Variants in LATS2 observed in about 807,000 individuals in gnomAD.
LATS2 encodes serine/threonine-protein kinase LATS2.
LATS2 carries 24 observed loss-of-function variants against 76.0 expected under a neutral mutation model. The observed-to-expected ratio is 0.32, with a 90% CI of 0.23 to 0.44. The LOEUF is 0.44. Among genes scored for constraint, LATS2 ranks in the 20% least tolerant of loss-of-function variants. LATS2 has a pLI of 1.00. For synonymous variants in LATS2, 692 were observed against 635.4 expected, an observed-to-expected ratio of 1.09 and a Z score of -1.34; for missense variants, 1,286 against 1,481.2, an observed-to-expected ratio of 0.87 and a Z score of 2.16.
chr13:20,982,820 C>T (rs1463614528), intron 5 of LATS2, among the ~76,000 whole-genome samples: 3 of 150,856 alleles, frequency 2.0e-5, no homozygotes, highest in Non-Finnish European at 4.4e-5. Context: ...GGAGAAACCC[C>T]GTCTCTACTA....
chr13:21,055,425 T>C (rs1873419578), intron 1 of LATS2, among the ~76,000 whole-genome samples: 1 of 152,172 alleles, frequency 6.6e-6, no homozygotes, highest in South Asian at 2.1e-4. Context: ...TTTAAAACCA[T>C]AACAACTCAC....
rs776467267 is a variant in LATS2 at position 20,983,489 on chromosome 13, G to A, written c.2217C>T (p.Asp739=). The A allele has an allele frequency of 1.2e-6, 2 of 1,614,136 alleles. No homozygotes were observed. The highest frequency in any genetic ancestry group is 1.1e-5 in the South Asian group (1 of 91,076). ...VKLYYSFQDK[D]SLYFVMDYIP... ...TGTAGTCCATCACAAAGTACAGGCT[G>A]TCTTTGTCTTGGAAGGAGTAGTAGA... is the stretch of plus-strand genomic sequence containing the variant. The change falls in exon 5 of 8, where the codon GAC becomes GAT. Residue 739 remains aspartate (D), a synonymous_variant. Transcript: ENST00000382592.
chr13:21,016,805 TCTCA>T (rs552839901), intron 2 of LATS2, among the ~76,000 whole-genome samples: 173 of 152,184 alleles, frequency 1.1e-3, no homozygotes, highest in African/African-American at 4.0e-3. Context: ...TCAGAAAACC[TCTCA>T]CTAATAAAAC....
chr13:21,028,370 A>C (rs1457598445), intron 2 of LATS2, among the ~76,000 whole-genome samples: 1 of 152,156 alleles, frequency 6.6e-6, no homozygotes, highest in Non-Finnish European at 1.5e-5. Flanking sequence ...TGCTATTGTG[A>C]ATAGTGCCGC....
At chr13:21,039,538 C>T (rs1431654640) in intron 2 of LATS2, among the ~76,000 whole-genome samples, 1 of 152,140 alleles carries the variant, frequency 6.6e-6, no homozygotes, top group Non-Finnish European at 1.5e-5. Flanking sequence ...TGGTTAGCAT[C>T]TTTTCCAGTG....
intron 2 of LATS2, among the ~76,000 whole-genome samples, chr13:21,042,700 T>C (rs2138399507): frequency 6.6e-6 from 1 of 151,830 alleles, no homozygotes; most frequent in South Asian, 2.1e-4. Context: ...GACAAAACAG[T>C]AGGAGTGGCT....
chr13:20,975,142 T>C lies in LATS2; in HGVS notation c.2995A>G (p.Thr999Ala). 6.2e-7 allele frequency: 1 copy of C among 1,614,114 alleles called. No individual in the cohort carries two copies. The highest frequency in any genetic ancestry group is 2.2e-5 in the East Asian group (1 of 44,880). The change falls in exon 8 of 8, where the codon ACC becomes GCC. Residue 999 changes from threonine to alanine, a missense_variant. This residue lies in a region of LATS2 where 210 missense variants were observed against 234.9 expected (regional missense o/e 0.89). Coordinates refer to ENST00000382592, the MANE Select transcript of LATS2 (RefSeq NM_014572.3). Reference protein sequence around the residue: ...YVPTISHPMDTSNFDPVDEES... With the variant: ...YVPTISHPMDASNFDPVDEES... ...TCATCTACGGGGTCGAAATTCGAGGTGTCCATGGGGTGGCTGATGGTGGGA... is the reference window on the plus strand; with the variant it reads ...TCATCTACGGGGTCGAAATTCGAGGCGTCCATGGGGTGGCTGATGGTGGGA...
chr13:21,046,094 A>C lies in LATS2; in HGVS notation c.-68T>G, dbSNP rs1873067335. 1.9e-6 allele frequency: 2 copies of C among 1,047,564 alleles called. No homozygotes were observed. Among genetic ancestry groups the C allele is most frequent in the South Asian group, 1.7e-5 (1 of 60,560 alleles). 64.9% of individuals were successfully genotyped at this position (1,047,564 alleles called of 1,614,324 possible). On this transcript the variant is annotated 5_prime_UTR_variant, in exon 2 of 8. Coordinates refer to ENST00000382592, the MANE Select transcript of LATS2 (RefSeq NM_014572.3). ...AGTGTTTTATTATTTAAAAAAAAAAACTGTCAATAGTATCAGTTTGTTGTA... is the reference window on the plus strand; with the variant it reads ...AGTGTTTTATTATTTAAAAAAAAAACCTGTCAATAGTATCAGTTTGTTGTA...
At chr13:21,041,194 G>A (rs888132883) in intron 2 of LATS2, among the ~76,000 whole-genome samples, 1 of 152,010 alleles carries the variant, frequency 6.6e-6, no homozygotes, top group African/African-American at 2.4e-5. Context: ...GGATGGTCTC[G>A]ACCTCCTGAC....
At chr13:21,038,159 G>A (rs952808183) in intron 2 of LATS2, among the ~76,000 whole-genome samples, 5 of 152,008 alleles carry the variant, frequency 3.3e-5, no homozygotes, top group Admixed American at 2.0e-4. Context: ...AGGGAAGGCC[G>A]GAGAAAGACG....
rs507186 is a variant in LATS2 at position 20,973,887 on chromosome 13, A to G, written c.*983T>C. On this transcript the variant is annotated 3_prime_UTR_variant, in exon 8 of 8. Coordinates refer to ENST00000382592, the MANE Select transcript of LATS2 (RefSeq NM_014572.3). ...GAGCATACGGACTACAGAAACGGAC[A>G]TGTGTCCGTGATTAAACTTTTTGGC... The G allele has an allele frequency of 0.95, 213,191 of 224,188 alleles. 101,443 individuals are homozygous for G. Among genetic ancestry groups the G allele is most frequent in the South Asian group, 0.99 (5,335 of 5,408 alleles). 13.9% of individuals were successfully genotyped at this position (224,188 alleles called of 1,614,324 possible).
chr13:21,009,433 A>G (rs11841745), intron 2 of LATS2, among the ~76,000 whole-genome samples: 24,127 of 152,126 alleles, frequency 0.16, 3,061 homozygotes, highest in East Asian at 0.51. Flanking sequence ...GGTCCCAAAC[A>G]ATTCCCATAC....
intron 1 of LATS2, among the ~76,000 whole-genome samples, chr13:21,053,477 T>C (rs1264533835): frequency 1.3e-5 from 2 of 151,892 alleles, no homozygotes; most frequent in African/African-American, 4.8e-5. Flanking sequence ...CCCCATCTAC[T>C]CCCAGGCATG....
intron 1 of LATS2, among the ~76,000 whole-genome samples, chr13:21,061,122 C>A (rs1873630224): frequency 6.6e-6 from 1 of 151,786 alleles, no homozygotes; most frequent in Non-Finnish European, 1.5e-5. Flanking sequence ...TCCGTACGGC[C>A]TGGACTACGA....
chr13:20,991,521 G>A lies in LATS2; in HGVS notation c.343-117C>T. The A allele has an allele frequency of 8.6e-7, 1 of 1,165,686 alleles. No homozygotes were observed. The highest frequency in any genetic ancestry group is 1.2e-6 in the Non-Finnish European group (1 of 817,650). 72.2% of individuals were successfully genotyped at this position (1,165,686 alleles called of 1,614,324 possible). On this transcript the variant is annotated intron_variant, in intron 2 of 7. Transcript: ENST00000382592. The surrounding 1 kb of genome is among the most constrained non-coding windows in gnomAD (Gnocchi z 4.9). Reference sequence around the variant, plus strand: ...GGACACTTCGCCTCTGTACTGCTGAGAACCTGCGATATGCTGCAGGAGACC... The same window carrying A: ...GGACACTTCGCCTCTGTACTGCTGAAAACCTGCGATATGCTGCAGGAGACC...
intron 2 of LATS2, among the ~76,000 whole-genome samples, chr13:21,008,571 T>C (rs903838871): frequency 1.1e-4 from 16 of 152,126 alleles, no homozygotes; most frequent in Admixed American, 9.8e-4. Flanking sequence ...AAGTCTGAAT[T>C]CAAAACTTAA....
At chr13:21,055,379 C>T (rs1331644622) in intron 1 of LATS2, among the ~76,000 whole-genome samples, 2 of 152,168 alleles carry the variant, frequency 1.3e-5, no homozygotes, top group African/African-American at 4.8e-5. Flanking sequence ...AATTGATTCA[C>T]ACACATTTTA....
rs1555348753 is a variant in LATS2 at position 20,973,980 on chromosome 13, C to CG, written c.*889_*890insC. The CG allele has an allele frequency of 5.5e-4, 111 of 201,962 alleles. 1 individual carries two copies. Among genetic ancestry groups the CG allele is most frequent in the African/African-American group, 2.6e-3 (108 of 41,646 alleles). 12.5% of individuals were successfully genotyped at this position (201,962 alleles called of 1,614,324 possible). A position where few individuals can be genotyped will look rare whatever the true frequency, so the allele number is the denominator to read the frequency against. ...TGACAAATGTTTCAGTTCCCCCCCC[C>CG]CAAAGAATCCAATCACAACCAAGAC... On this transcript the variant is annotated 3_prime_UTR_variant, in exon 8 of 8. Coordinates refer to ENST00000382592, the MANE Select transcript of LATS2 (RefSeq NM_014572.3).
chr13:20,988,167 G>A lies in LATS2; in HGVS notation c.1613C>T (p.Ala538Val). ...SEQYDLDSLC[A>V]GMEQSLRAGP... ...CGCACGGAGGCTCTGCTCCATGCCT[G>A]CGCACAGGCTGTCCAGGTCGTACTG... is the stretch of plus-strand genomic sequence containing the variant. The change falls in exon 4 of 8, where the codon GCA becomes GTA. Residue 538 changes from alanine (A) to valine (V), a missense_variant. This residue lies in a region of LATS2 where 710 missense variants were observed against 660.9 expected (regional missense o/e 1.07). Coordinates refer to ENST00000382592, the MANE Select transcript of LATS2 (RefSeq NM_014572.3). The A allele has an allele frequency of 6.2e-7, 1 of 1,613,916 alleles. No individual in the cohort carries two copies. The highest frequency in any genetic ancestry group is 1.1e-5 in the South Asian group (1 of 91,066).
Sources: allele counts gnomAD v4.1 joint callset (sites outside exome capture counted in the v4.1 genomes callset), GRCh38; gene constraint gnomAD v4.1.1; regional missense constraint gnomAD v4.1.1; non-coding constraint Gnocchi (gnomAD v3.1); transcripts MANE v1.5; gene names NCBI Gene and HGNC (gene_info 2026-07-23, HGNC 2026-07-21).